ROS1: variants seen among roughly 807,000 people sequenced by gnomAD.
The protein encoded by ROS1 is ROS proto-oncogene 1, receptor tyrosine kinase.
Under a neutral mutation model 273.5 loss-of-function variants are expected in ROS1, and 263 were observed. The observed-to-expected ratio is 0.96, with a 90% CI of 0.87 to 1.06. The LOEUF is 1.06. ROS1 is among the 50% of genes least tolerant of loss of function. ROS1 has a pLI of 0.00. For synonymous variants in ROS1, 1,008 were observed against 954.1 expected, an observed-to-expected ratio of 1.06 and a Z score of -1.04; for missense variants, 2,833 against 2,751.1, an observed-to-expected ratio of 1.03 and a Z score of -0.67.
chr6:117,360,294 A>ACACACG, intron 23 of ROS1, 48 bp downstream of exon 23: 1 of 1,394,322 alleles, frequency 7.2e-7, no homozygotes, highest in Non-Finnish European at 1.0e-6. Flanking sequence ...ACACACACAC[A>ACACACG]CACACGCCTC....
chr6:117,290,195 T>C (rs1773736876), intron 43 of ROS1, among the ~76,000 whole-genome samples: 1 of 152,214 alleles, frequency 6.6e-6, no homozygotes, highest in South Asian at 2.1e-4. Context: ...TAAACTTTTT[T>C]GCTTATTGAA....
chr6:117,394,200 A>T lies in ROS1; in HGVS notation c.1153T>A (p.Trp385Arg), dbSNP rs773134065. 6.3e-7 allele frequency: 1 copy of T among 1,599,178 alleles called. No homozygotes were observed. The highest frequency in any genetic ancestry group is 1.7e-5 in the Admixed American group (1 of 57,468). The change falls in exon 11 of 44, where the codon TGG (tryptophan) becomes AGG (arginine). Residue 385 changes from tryptophan (W) to arginine (R), a missense_variant. Trp to Arg is a moderately radical substitution (Grantham distance 101). Coordinates refer to ENST00000368507, the MANE Select transcript of ROS1 (RefSeq NM_001378902.1). The part of the protein sequence containing the change: ...SGLISSISID[W>R]LYQRMYFIMD... ...ATGAAATACATTCTTTGATAAAGCC[A>T]ATCTATGGAGATAGAAGAAATTAAT...
At chr6:117,366,003 A>T in intron 19 of ROS1, 73 bp downstream of exon 19, 1 of 1,306,760 alleles carries the variant, frequency 7.7e-7, no homozygotes, top group Non-Finnish European at 1.1e-6. Context: ...TAAGAAAAAA[A>T]AATATCCCAA....
chr6:117,412,996 T>C (rs185284052), intron 4 of ROS1, among the ~76,000 whole-genome samples: 1 of 152,136 alleles, frequency 6.6e-6, no homozygotes, highest in Non-Finnish European at 1.5e-5. Flanking sequence ...TCTCTTTACA[T>C]ATGGGTGACT....
At chr6:117,337,432 A>T in intron 31 of ROS1, 92 bp from the exon 32 acceptor site, 1 of 912,694 alleles carries the variant, frequency 1.1e-6, no homozygotes, top group Non-Finnish European at 1.6e-6. Context: ...AGTGGTTAAA[A>T]TTTAAGCATT....
intron 34 of ROS1, 139 bp from the exon 35 acceptor site, chr6:117,324,554 C>A (rs1409034308): frequency 1.2e-4 from 65 of 560,808 alleles, no homozygotes; most frequent in Non-Finnish European, 1.7e-4. Context: ...CCGTTGGTAG[C>A]TTGAAAGCAT....
intron 43 of ROS1, among the ~76,000 whole-genome samples, chr6:117,292,228 C>T (rs1004720040): frequency 2.6e-5 from 4 of 152,192 alleles, no homozygotes; most frequent in Non-Finnish European, 4.4e-5. Flanking sequence ...CCTTGGCCTC[C>T]CAAAGTGCTG....
Position 117,341,484 on chromosome 6 carries a change from A to G in ROS1, c.4800T>C (p.Thr1600=). 6.2e-7 allele frequency: 1 copy of G among 1,613,858 alleles called. No homozygotes were observed. The highest frequency in any genetic ancestry group is 8.5e-7 in the Non-Finnish European group (1 of 1,179,796). The change falls in exon 30 of 44, where the codon ACT becomes ACC. Residue 1600 remains threonine, a synonymous_variant. Transcript: ENST00000368507. ...TTGGAAATTCACTTTGTCTTAGAGG[A>G]GTTTCAGGAATTAGGGCCAGGTGTG... ...AISHLALIPE[T]PLRQSEFPNG... is the part of the protein sequence containing the mutation.
At position 117,344,269 on chromosome 6, in the gene ROS1, T is replaced by G. The variant is rs746579882; in HGVS notation, c.4304-7A>C. The G allele has an allele frequency of 6.2e-7, 1 of 1,608,658 alleles. No individual in the cohort carries two copies. The highest frequency in any genetic ancestry group is 1.3e-5 in the African/African-American group (1 of 74,800). ...AGAGACAGAAACGCTTTATCTAAAA[T>G]AAGAAGAAACCAAAAGATTAAATAT... On this transcript the variant is annotated splice_polypyrimidine_tract_variant and splice_region_variant and intron_variant, in intron 27 of 43. Transcript: ENST00000368507.
chr6:117,373,793 A>G (rs1482762846), intron 18 of ROS1, among the ~76,000 whole-genome samples: 1 of 152,240 alleles, frequency 6.6e-6, no homozygotes, highest in African/African-American at 2.4e-5. Flanking sequence ...TCAAGGCCAA[A>G]GAGGTGCTGA....
intron 18 of ROS1, among the ~76,000 whole-genome samples, chr6:117,375,595 A>T: frequency 6.6e-6 from 1 of 152,322 alleles, no homozygotes; most frequent in East Asian, 1.9e-4. Context: ...TAAAACCAAC[A>T]ATAAAACAAT....
chr6:117,362,908 A>C (rs768407534), intron 21 of ROS1, 43 bp from the exon 22 acceptor site: 2 of 1,470,138 alleles, frequency 1.4e-6, no homozygotes, highest in South Asian at 2.7e-5. Flanking sequence ...GAATATAAGA[A>C]TATAAAGAAT....
At chr6:117,401,146 T>C (rs914835957) in intron 7 of ROS1, among the ~76,000 whole-genome samples, 2 of 152,158 alleles carry the variant, frequency 1.3e-5, no homozygotes, top group African/African-American at 4.8e-5. Flanking sequence ...TCAAAATATA[T>C]GACAAACCTT....
At chr6:117,356,565 G>T in intron 26 of ROS1, 64 bp downstream of exon 26, 3 of 1,432,254 alleles carry the variant, frequency 2.1e-6, no homozygotes, top group Non-Finnish European at 2.9e-6. Context: ...CAAGCCCTTT[G>T]TAAATGCAGT....
At chr6:117,416,371 C>G (rs536596790) in intron 2 of ROS1, 54 bp from the exon 3 acceptor site, 1 of 1,165,000 alleles carries the variant, frequency 8.6e-7, no homozygotes, top group Non-Finnish European at 1.3e-6. Flanking sequence ...GTGACTTTTT[C>G]TTGTCACCTG....
chr6:117,350,251 A>T (rs766514647), intron 27 of ROS1, among the ~76,000 whole-genome samples: 9 of 152,160 alleles, frequency 5.9e-5, no homozygotes, highest in Admixed American at 2.0e-4. Flanking sequence ...ATAATTTCAC[A>T]GGGTATGGAA....
intron 16 of ROS1, among the ~76,000 whole-genome samples, chr6:117,383,842 G>A (rs939866323): frequency 5.9e-5 from 9 of 152,086 alleles, no homozygotes; most frequent in African/African-American, 1.2e-4. Flanking sequence ...TTAGACTCCC[G>A]AAAAAAGATG....
intron 27 of ROS1, among the ~76,000 whole-genome samples, chr6:117,346,058 A>C (rs974891716): frequency 6.6e-6 from 1 of 152,176 alleles, no homozygotes; most frequent in Non-Finnish European, 1.5e-5. Flanking sequence ...AGTTCAACCA[A>C]TATTTATCCA....
intron 35 of ROS1, among the ~76,000 whole-genome samples, chr6:117,322,233 C>T (rs555238567): frequency 6.6e-6 from 1 of 152,178 alleles, no homozygotes; most frequent in Admixed American, 6.6e-5. Context: ...ATCACAAGTA[C>T]CTTTTGCTAA....
Sources: gnomAD v4.1 joint callset for allele counts (sites outside exome capture counted in the v4.1 genomes callset) on GRCh38, gnomAD v4.1.1 for gene constraint, MANE v1.5 for transcripts, NCBI Gene and HGNC (gene_info 2026-07-23, HGNC 2026-07-21) for gene names.